Variants in GOLGA7 observed in about 807,000 individuals in gnomAD.
GOLGA7 encodes golgin subfamily A member 7.
Under a neutral mutation model 21.1 loss-of-function variants are expected in GOLGA7, and 10 were observed. The ratio of observed to expected loss-of-function variants is 0.47; its 90% CI spans 0.29 to 0.80. The LOEUF (loss-of-function observed/expected upper bound fraction) is 0.80. Among genes scored for constraint, GOLGA7 ranks in the 30% least tolerant of loss-of-function variants. The pLI, the probability that GOLGA7 is intolerant of heterozygous loss-of-function variation, is 0.08. For synonymous variants in GOLGA7, 64 were observed against 62.6 expected, an observed-to-expected ratio of 1.02 and a Z score of -0.10; for missense variants, 114 against 166.8, an observed-to-expected ratio of 0.68 and a Z score of 1.74.
chr8:41,507,341 C>G (rs918856017), intron 4 of GOLGA7, among the ~76,000 whole-genome samples: 6 of 151,846 alleles, frequency 4.0e-5, no homozygotes, highest in African/African-American at 1.5e-4. Flanking sequence ...GATTTTTTTT[C>G]CTGCTGTATT....
In GOLGA7 at chr8:41,497,002, G is replaced by A. The variant is rs1023616894; in HGVS notation, c.112-507G>A. ...TTTTTTGGTATTTTTAGTAGAGACGGGGTTTCACCATGTTAGCCAGGATGG... is the reference window on the plus strand; with the variant it reads ...TTTTTTGGTATTTTTAGTAGAGACGAGGTTTCACCATGTTAGCCAGGATGG... On this transcript the variant is annotated intron_variant, in intron 1 of 4. Transcript: ENST00000357743. Among the ~76,000 whole-genome samples the A allele has an allele frequency of 2.0e-5, 3 of 151,526 alleles. No individual in the cohort carries two copies. In the East Asian group the frequency reaches 5.9e-4, roughly 30 times the overall value.
chr8:41,500,575 T>C (rs1245173288), intron 2 of GOLGA7, among the ~76,000 whole-genome samples: 1 of 151,978 alleles, frequency 6.6e-6, no homozygotes, highest in Non-Finnish European at 1.5e-5. Context: ...ATCAAGAGAG[T>C]GATGTGATGA....
intron 2 of GOLGA7, among the ~76,000 whole-genome samples, chr8:41,501,377 C>T (rs1416050608): frequency 6.6e-6 from 1 of 151,564 alleles, no homozygotes; most frequent in Non-Finnish European, 1.5e-5. Context: ...GGTGCGATCC[C>T]GGCTCACTGC....
At chr8:41,504,773 G>A (rs1263753820) in intron 2 of GOLGA7, among the ~76,000 whole-genome samples, 1 of 152,118 alleles carries the variant, frequency 6.6e-6, no homozygotes, top group Non-Finnish European at 1.5e-5. Flanking sequence ...ATATGAAACA[G>A]GTAGAGTTTT....
intron 4 of GOLGA7, among the ~76,000 whole-genome samples, chr8:41,508,233 G>C (rs889431606): frequency 2.0e-5 from 3 of 152,098 alleles, no homozygotes; most frequent in Admixed American, 1.3e-4. Flanking sequence ...TAATTCTAGA[G>C]GTTTATCCCC....
intron 3 of GOLGA7, 126 bp downstream of exon 3, chr8:41,506,138 T>A: frequency 1.8e-6 from 1 of 559,932 alleles, no homozygotes; most frequent in Non-Finnish European, 3.1e-6. Context: ...TCTGTGTGAA[T>A]TGCATACCTA....
At chr8:41,504,056 C>A (rs1472386029) in intron 2 of GOLGA7, among the ~76,000 whole-genome samples, 3 of 139,626 alleles carry the variant, frequency 2.1e-5, no homozygotes, top group African/African-American at 5.4e-5. Context: ...ACCAGCATGG[C>A]ACATGTATAC....
chr8:41,491,772 C>G lies in GOLGA7; in HGVS notation c.111+807C>G, dbSNP rs77643071. Among the ~76,000 whole-genome samples, 284 of 152,072 alleles carry G rather than the reference C, an allele frequency of 1.9e-3. 2 individuals carry two copies. The highest frequency in any genetic ancestry group is 6.5e-3 in the African/African-American group (269 of 41,478). ...GTGTGCCCACATATGTACATTCAACCAAAGATTCTTTTGGTCTTGACCCAT... is the reference window on the plus strand; with the variant it reads ...GTGTGCCCACATATGTACATTCAACGAAAGATTCTTTTGGTCTTGACCCAT... On this transcript the variant is annotated intron_variant, in intron 1 of 4. Coordinates refer to ENST00000357743, the MANE Select transcript of GOLGA7 (RefSeq NM_001002296.2).
chr8:41,502,306 T>A (rs1806168472), intron 2 of GOLGA7, among the ~76,000 whole-genome samples: 1 of 152,246 alleles, frequency 6.6e-6, no homozygotes, highest in South Asian at 2.1e-4. Flanking sequence ...GTTGAGTCAT[T>A]TAGTCTCTAT....
intron 2 of GOLGA7, among the ~76,000 whole-genome samples, chr8:41,503,336 C>T (rs865910589): frequency 7.2e-5 from 10 of 138,762 alleles, no homozygotes; most frequent in East Asian, 4.2e-4. Flanking sequence ...GAGTAGGTTG[C>T]GAAAATTTTC....
At chr8:41,497,001 G>A (rs1479364673) in intron 1 of GOLGA7, among the ~76,000 whole-genome samples, 1 of 151,304 alleles carries the variant, frequency 6.6e-6, no homozygotes, top group Non-Finnish European at 1.5e-5. Flanking sequence ...TAGTAGAGAC[G>A]GGGTTTCACC....
At chr8:41,506,910 G>T in intron 3 of GOLGA7, 149 bp from the exon 4 acceptor site, 1 of 659,898 alleles carries the variant, frequency 1.5e-6, no homozygotes, top group South Asian at 1.7e-5. Context: ...GCAAATTGGA[G>T]AAAGCAAACT....
At chr8:41,495,483 C>T (rs1301149812) in intron 1 of GOLGA7, among the ~76,000 whole-genome samples, 1 of 151,574 alleles carries the variant, frequency 6.6e-6, no homozygotes, top group East Asian at 2.0e-4. Flanking sequence ...CAGAGTTTCA[C>T]CATGTTGCCC....
intron 4 of GOLGA7, among the ~76,000 whole-genome samples, chr8:41,507,412 T>C (rs1806311919): frequency 6.6e-6 from 1 of 152,206 alleles, no homozygotes; most frequent in Non-Finnish European, 1.5e-5. Flanking sequence ...GTTACTTGGC[T>C]TGTTTTAATA....
At chr8:41,500,330 A>G (rs1390520379) in intron 2 of GOLGA7, among the ~76,000 whole-genome samples, 2 of 152,204 alleles carry the variant, frequency 1.3e-5, no homozygotes, top group African/African-American at 4.8e-5. Context: ...AAGCTGTTGC[A>G]TGAAGGATGA....
intron 2 of GOLGA7, among the ~76,000 whole-genome samples, chr8:41,499,572 A>T (rs1806101590): frequency 6.6e-6 from 1 of 152,086 alleles, no homozygotes; most frequent in South Asian, 2.1e-4. Context: ...GCCAAACTCC[A>T]CCTGATTCTG....
intron 2 of GOLGA7, among the ~76,000 whole-genome samples, chr8:41,505,664 C>T (rs1408257945): frequency 6.6e-6 from 1 of 152,094 alleles, no homozygotes; most frequent in Non-Finnish European, 1.5e-5. Context: ...TCTCATCGTG[C>T]CATTGTATGC....
Position 41,509,458 on chromosome 8 carries a change from T to A in GOLGA7, c.*16-126T>A, listed in dbSNP as rs532301754. On this transcript the variant is annotated intron_variant, in intron 4 of 4. Transcript: ENST00000357743. ...AATGGTACCAAGATATTTTAGTAGA[T>A]AAAATTCTAGGTTAGTAGAACATAG... 3.3e-5 allele frequency: 5 copies of A among 152,472 alleles called. No individual in the cohort carries two copies. In the South Asian group the frequency reaches 1.0e-3, roughly 32 times the overall value. The allele number at this position is 152,472 out of a possible 1,614,324, so 9.4% of individuals were successfully genotyped here.
At chr8:41,505,558 AAG>A (rs1806263816) in intron 2 of GOLGA7, among the ~76,000 whole-genome samples, 1 of 152,320 alleles carries the variant, frequency 6.6e-6, no homozygotes, top group East Asian at 1.9e-4. Flanking sequence ...TGAATAGGAA[AAG>A]AGAAGCTTGA....
Sources: gnomAD v4.1 joint callset for allele counts (sites outside exome capture counted in the v4.1 genomes callset) on GRCh38, gnomAD v4.1.1 for gene constraint, MANE v1.5 for transcripts, NCBI Gene and HGNC (gene_info 2026-07-23, HGNC 2026-07-21) for gene names.